Variants in GEMIN5 observed in about 807,000 individuals in gnomAD.
GEMIN5 encodes the protein gem nuclear organelle associated protein 5, also known as gem-associated protein 5.
A neutral mutation model predicts 176.9 loss-of-function variants in GEMIN5; 124 were observed. The ratio of observed to expected loss-of-function variants is 0.70; its 90% CI spans 0.61 to 0.81. The LOEUF is 0.81. Ranked by LOEUF, GEMIN5 falls within the 40% of genes least tolerant of loss-of-function variation. The pLI is 0.00. For synonymous variants in GEMIN5, 673 were observed against 665.2 expected, an observed-to-expected ratio of 1.01 and a Z score of -0.18; for missense variants, 1,843 against 1,814.6, an observed-to-expected ratio of 1.02 and a Z score of -0.28.
Position 154,935,862 on chromosome 5 carries a change from T to G in GEMIN5, c.488A>C (p.His163Pro), listed in dbSNP as rs969296115. Residue 163 changes from histidine to proline, a missense_variant, in exon 3 of 28, where the codon CAT (histidine) becomes CCT (proline). By Grantham distance (77) the His-to-Pro change is moderately conservative. Coordinates refer to ENST00000285873, the MANE Select transcript of GEMIN5 (RefSeq NM_015465.5). ...TIFCLTCSPH[H>P]EDLVAIGYKD... Reference sequence around the variant, plus strand: ...TTACCCAATGGCTACTAAATCTTCATGATGAGGTGAACAAGTAAGACAGAA... The same window carrying G: ...TTACCCAATGGCTACTAAATCTTCAGGATGAGGTGAACAAGTAAGACAGAA... 2 of 1,613,104 alleles carry G rather than the reference T, an allele frequency of 1.2e-6. No individual in the cohort carries two copies. Among genetic ancestry groups the G allele is most frequent in the Non-Finnish European group, 1.7e-6 (2 of 1,179,314 alleles).
intron 15 of GEMIN5, among the ~76,000 whole-genome samples, chr5:154,911,500 G>A (rs775530795): frequency 2.6e-5 from 4 of 152,108 alleles, no homozygotes; most frequent in Admixed American, 6.5e-5. Flanking sequence ...GCAACAGAGC[G>A]AGACTCTGTC....
intron 14 of GEMIN5, among the ~76,000 whole-genome samples, 154 bp downstream of exon 14, chr5:154,912,745 A>G (rs1763729049): frequency 6.6e-6 from 1 of 151,552 alleles, no homozygotes; most frequent in Non-Finnish European, 1.5e-5. Flanking sequence ...CCCTATGTGG[A>G]ATGAAACTAA....
At position 154,891,728 on chromosome 5, in the gene GEMIN5, T is replaced by C; in HGVS notation, c.3775A>G (p.Arg1259Gly). ...GATTGATGGTCCCCCAACTTGTCTC[T>C]TAGGTGGTCACAGCCTAGGAAAAGA... is the stretch of plus-strand genomic sequence containing the variant. ...AFLPDGCDHL[R>G]DKLGDHQSPA... The change falls in exon 26 of 28, where the codon AGA (arginine) becomes GGA (glycine). Residue 1259 changes from arginine (R) to glycine (G), a missense_variant. Transcript: ENST00000285873. The C allele has an allele frequency of 1.9e-6, 3 of 1,593,210 alleles. No individual in the cohort carries two copies. The highest frequency in any genetic ancestry group is 2.6e-6 in the Non-Finnish European group (3 of 1,173,972).
chr5:154,892,897 G>T (rs1763266357), intron 24 of GEMIN5, among the ~76,000 whole-genome samples: 1 of 152,056 alleles, frequency 6.6e-6, no homozygotes, highest in Admixed American at 6.6e-5. Context: ...AGGAGTTCAA[G>T]ACCAGCCTGG....
intron 16 of GEMIN5, among the ~76,000 whole-genome samples, chr5:154,906,692 C>T (rs555525927): frequency 2.6e-5 from 4 of 152,246 alleles, no homozygotes; most frequent in South Asian, 4.1e-4. Flanking sequence ...TCTCTGTACC[C>T]GACTAGAAAA....
chr5:154,909,675 G>A (rs1763652729), intron 15 of GEMIN5, among the ~76,000 whole-genome samples: 1 of 151,982 alleles, frequency 6.6e-6, no homozygotes, highest in African/African-American at 2.4e-5. Flanking sequence ...GTTTAGTTTT[G>A]CCTGTTGAAG....
intron 10 of GEMIN5, among the ~76,000 whole-genome samples, 178 bp from the exon 11 acceptor site, chr5:154,920,281 CA>C: frequency 6.6e-6 from 1 of 152,178 alleles, no homozygotes; most frequent in African/African-American, 2.4e-5. Flanking sequence ...TTGTTGGGAG[CA>C]GAAGTAAAAA....
At chr5:154,902,731 C>T (rs1412876529) in intron 19 of GEMIN5, 55 bp from the exon 20 acceptor site, 7 of 1,564,212 alleles carry the variant, frequency 4.5e-6, no homozygotes, top group Non-Finnish European at 6.1e-6. Context: ...CTGTTACTGA[C>T]TTGTAGGAAA....
chr5:154,917,980 T>C lies in GEMIN5; in HGVS notation c.1624A>G (p.Ile542Val), dbSNP rs1229925437. 3 of 1,611,828 alleles carry C rather than the reference T, an allele frequency of 1.9e-6. No individual in the cohort carries two copies. Among genetic ancestry groups the C allele is most frequent in the African/African-American group, 1.3e-5 (1 of 75,010 alleles). The change falls in exon 12 of 28, where the codon ATA (isoleucine) becomes GTA (valine). Residue 542 changes from isoleucine (I) to valine (V), a missense_variant. Physicochemically the swap from Ile to Val is conservative, Grantham distance 29 (BLOSUM62 3). Coordinates refer to ENST00000285873, the MANE Select transcript of GEMIN5 (RefSeq NM_015465.5). ...IKYKLPVHTE[I>V]SWKADGKIMA... ...ATTTTGCCATCTGCTTTCCAACTTA[T>C]CTCTGTGTGTACAGGCAATTTGTAC...
intron 11 of GEMIN5, among the ~76,000 whole-genome samples, chr5:154,919,418 T>G (rs1763875873): frequency 1.3e-5 from 2 of 152,190 alleles, no homozygotes; most frequent in African/African-American, 2.4e-5. Context: ...ACTGATAGCA[T>G]GAGAACACAA....
intron 2 of GEMIN5, among the ~76,000 whole-genome samples, chr5:154,936,690 T>C (rs941516204): frequency 3.3e-5 from 5 of 152,190 alleles, no homozygotes; most frequent in South Asian, 2.1e-4. Context: ...CAGAGGGTAA[T>C]TGTTTTAGAC....
chr5:154,920,916 G>C (rs1314283549), intron 10 of GEMIN5, among the ~76,000 whole-genome samples: 22 of 152,304 alleles, frequency 1.4e-4, no homozygotes, highest in Admixed American at 1.2e-3. Flanking sequence ...TCAAAGGCAA[G>C]AGATCATTTC....
intron 6 of GEMIN5, 129 bp from the exon 7 acceptor site, chr5:154,927,679 G>A: frequency 1.6e-6 from 1 of 634,722 alleles, no homozygotes; most frequent in Non-Finnish European, 2.7e-6. Flanking sequence ...AATTGCATAT[G>A]CTGAAAATAT....
rs542453428 is a variant in GEMIN5, at chr5:154,891,291, A to G, written c.4212T>C (p.Asn1404=). The change falls in exon 26 of 28, where the codon AAT becomes AAC. Residue 1404 remains asparagine, a synonymous_variant. Transcript: ENST00000285873. ...GCTGCTCTGCTTCTACTTCCGGTTC[A>G]TTCTTATCAGGACCATTTGCTGTGG... The part of the protein sequence containing the change: ...CKSTANGPDK[N]EPEVEAEQPL... 6 of 1,613,956 alleles carry G rather than the reference A, an allele frequency of 3.7e-6. No homozygotes were observed. The African/African-American group carries it at 8.0e-5, about 22-fold the overall frequency.
intron 4 of GEMIN5, 155 bp from the exon 5 acceptor site, chr5:154,931,732 C>T (rs1299974273): frequency 7.2e-5 from 45 of 625,608 alleles, no homozygotes; most frequent in Non-Finnish European, 9.9e-5. Context: ...TGATATAATT[C>T]GGCCTGGTGC....
At chr5:154,901,566 A>G in intron 20 of GEMIN5, 80 bp from the exon 21 acceptor site, 1 of 1,399,190 alleles carries the variant, frequency 7.1e-7, no homozygotes, top group Non-Finnish European at 1.0e-6. Context: ...GGGTTGAAAA[A>G]GCCTTGTTTT....
rs764469366 is a variant in GEMIN5, at chr5:154,924,455, C to A, written c.1379+14G>T. On this transcript the variant is annotated intron_variant, in intron 9 of 27. Transcript: ENST00000285873. Reference sequence around the variant, plus strand: ...CCCCGGGCCACAATGGAAGAAGAATCACCCATTTCTTACTTGTTGGAGTAG... The same window carrying A: ...CCCCGGGCCACAATGGAAGAAGAATAACCCATTTCTTACTTGTTGGAGTAG... The A allele has an allele frequency of 6.4e-7, 1 of 1,550,712 alleles. No individual in the cohort carries two copies. Among genetic ancestry groups the A allele is most frequent in the Non-Finnish European group, 8.9e-7 (1 of 1,123,990 alleles).
chr5:154,898,727 C>A (rs1009937738), intron 22 of GEMIN5, 77 bp from the exon 23 acceptor site: 2 of 1,195,926 alleles, frequency 1.7e-6, no homozygotes, highest in South Asian at 1.3e-5. Context: ...GGAATCATTT[C>A]TTTCTATCTA....
chr5:154,925,860 A>T lies in GEMIN5; in HGVS notation c.1293+2T>A, dbSNP rs1241635791. The T allele has an allele frequency of 6.4e-7, 1 of 1,569,992 alleles. No individual in the cohort carries two copies. The highest frequency in any genetic ancestry group is 1.7e-4 in the Middle Eastern group (1 of 5,964). On this transcript the variant is annotated splice_donor_variant, in intron 8 of 27. Transcript: ENST00000285873. LOFTEE classifies it high-confidence loss of function. ...AAACAAGCTCAAAAAAAGAATCCTT[A>T]CCGCTGTAACCTTGGACTTCACGCC...
Sources: allele counts gnomAD v4.1 joint callset (sites outside exome capture counted in the v4.1 genomes callset), GRCh38; gene constraint gnomAD v4.1.1; transcripts MANE v1.5; gene names NCBI Gene and HGNC (gene_info 2026-07-23, HGNC 2026-07-21).